Variants in DUXA observed in about 807,000 individuals in gnomAD.
DUXA encodes the protein double homeobox protein A.
In DUXA, 25 loss-of-function variants were observed where a neutral mutation model predicts 27.5. The observed-to-expected ratio is 0.91, with a 90% CI of 0.66 to 1.27. DUXA has a LOEUF of 1.27. DUXA is among the 50% of genes most tolerant of loss of function. The pLI is 0.00. For synonymous variants in DUXA, 90 were observed against 80.5 expected (o/e 1.12, Z -0.63); for missense variants, 247 against 242.9 (o/e 1.02, Z -0.11).
chr19:57,157,202 C>A lies in DUXA; in HGVS notation c.438+1126G>T, dbSNP rs114513853. ...CATGTCCTGCTTACAGGAGGGAGCA[C>A]TGGTTTAAACGCACACACACCCTAC... On this transcript the variant is annotated intron_variant, in intron 4 of 5. Coordinates refer to ENST00000554048, the MANE Select transcript of DUXA (RefSeq NM_001012729.2). 7.5e-3 allele frequency among the ~76,000 whole-genome samples: 1,147 copies of A among 152,306 alleles called. 12 individuals carry two copies. Among genetic ancestry groups the A allele is most frequent in the African/African-American group, 0.027 (1,105 of 41,560 alleles).
At chr19:57,167,397 A>G in intron 1 of DUXA, 22 bp downstream of exon 1, 1 of 1,613,078 alleles carries the variant, frequency 6.2e-7, no homozygotes, top group Non-Finnish European at 8.5e-7. Context: ...ACAAAAGCTC[A>G]GTCAAGCACA....
rs544581547 is a variant in DUXA at position 57,154,192 on chromosome 19, T to C, written c.*220A>G. 6 of 495,236 alleles carry C rather than the reference T, an allele frequency of 1.2e-5. No individual in the cohort carries two copies. The South Asian group carries it at 1.3e-4, about 11-fold the overall frequency. The allele number at this position is 495,236 out of a possible 1,614,324, so 30.7% of individuals were successfully genotyped here. On this transcript the variant is annotated 3_prime_UTR_variant, in exon 6 of 6. Coordinates refer to ENST00000554048, the MANE Select transcript of DUXA (RefSeq NM_001012729.2). ...ATAGAGGCAGAGTCTTGCTATATGT[T>C]GTCCAGGCTGGTTTCAAACTCCTGA...
chr19:57,157,760 G>T (rs1402780263), intron 4 of DUXA, among the ~76,000 whole-genome samples: 1 of 152,056 alleles, frequency 6.6e-6, no homozygotes, highest in East Asian at 1.9e-4. Context: ...GGAAGCCAAG[G>T]AGGGTGGATC....
chr19:57,158,502 G>T lies in DUXA; in HGVS notation c.293-29C>A, dbSNP rs374968571. The T allele has an allele frequency of 6.7e-5, 107 of 1,606,598 alleles. No homozygotes were observed. In the Middle Eastern group the frequency reaches 2.8e-3, roughly 42 times the overall value. On this transcript the variant is annotated intron_variant, in intron 3 of 5. Coordinates refer to ENST00000554048, the MANE Select transcript of DUXA (RefSeq NM_001012729.2). Reference sequence around the variant, plus strand: ...GGGAAGGCATGGAAAGATGGAGGGGGGCGGTCAAGGAATATTGCAAGGGTC... The same window carrying T: ...GGGAAGGCATGGAAAGATGGAGGGGTGCGGTCAAGGAATATTGCAAGGGTC...
At position 57,154,163 on chromosome 19, in the gene DUXA, T is replaced by C. The variant is rs2086978734; in HGVS notation, c.*249A>G. ...GTCCTTTTCATTTATTTTGTTTTTT[T>C]ATAATAGAGGCAGAGTCTTGCTATA... On this transcript the variant is annotated 3_prime_UTR_variant, in exon 6 of 6. Transcript: ENST00000554048. 1 of 395,818 alleles carries C rather than the reference T, an allele frequency of 2.5e-6. No individual in the cohort carries two copies. The highest frequency in any genetic ancestry group is 4.0e-5 in the Admixed American group (1 of 24,720). 24.5% of individuals were successfully genotyped at this position (395,818 alleles called of 1,614,324 possible).
chr19:57,162,364 G>C (rs771021619), intron 1 of DUXA, among the ~76,000 whole-genome samples: 19 of 152,152 alleles, frequency 1.2e-4, no homozygotes, highest in Admixed American at 2.6e-4. Context: ...CACATAATTT[G>C]CTGGATAGGA....
intron 2 of DUXA, among the ~76,000 whole-genome samples, chr19:57,160,088 C>T (rs765978379): frequency 5.3e-5 from 8 of 151,994 alleles, no homozygotes; most frequent in Non-Finnish European, 8.8e-5. Flanking sequence ...TTGGACGACA[C>T]AGCGAGACTC....
At position 57,154,148 on chromosome 19, in the gene DUXA, T is replaced by G; in HGVS notation, c.*264A>C. On this transcript the variant is annotated 3_prime_UTR_variant, in exon 6 of 6. Coordinates refer to ENST00000554048, the MANE Select transcript of DUXA (RefSeq NM_001012729.2). ...TCTCTGCCTCCTACAGTCCTTTTCA[T>G]TTATTTTGTTTTTTTATAATAGAGG... 7 of 359,762 alleles carry G rather than the reference T, an allele frequency of 1.9e-5. No homozygotes were observed. The highest frequency in any genetic ancestry group is 5.9e-5 in the East Asian group (1 of 16,878). The allele number at this position is 359,762 out of a possible 1,614,324, so 22.3% of individuals were successfully genotyped here.
rs1227284400 is a variant in DUXA, at chr19:57,159,284, T to C, written c.181-6A>G. The C allele has an allele frequency of 6.8e-6, 11 of 1,611,328 alleles. No individual in the cohort carries two copies. The highest frequency in any genetic ancestry group is 1.3e-5 in the African/African-American group (1 of 74,748). On this transcript the variant is annotated splice_polypyrimidine_tract_variant and splice_region_variant and intron_variant, in intron 2 of 5. Transcript: ENST00000554048. ...CTTCGATTCTGAAACCAAATCTAAGTGAGGAAAAGAAAAGGAGAGAATTAC... is the reference window on the plus strand; with the variant it reads ...CTTCGATTCTGAAACCAAATCTAAGCGAGGAAAAGAAAAGGAGAGAATTAC...
At chr19:57,160,021 C>G (rs1254641991) in intron 2 of DUXA, among the ~76,000 whole-genome samples, 1 of 152,106 alleles carries the variant, frequency 6.6e-6, no homozygotes, top group African/African-American at 2.4e-5. Context: ...AGAAGAATCA[C>G]TTGAACTTGG....
intron 4 of DUXA, among the ~76,000 whole-genome samples, chr19:57,157,566 G>A (rs1420344435): frequency 6.6e-6 from 1 of 151,834 alleles, no homozygotes; most frequent in Non-Finnish European, 1.5e-5. Context: ...CCTGACCTCA[G>A]GTGATCTGCC....
chr19:57,167,185 AAT>A (rs1401313276), intron 1 of DUXA, among the ~76,000 whole-genome samples: 1 of 152,076 alleles, frequency 6.6e-6, no homozygotes, highest in African/African-American at 2.4e-5. Context: ...CTGAAGCTCA[AAT>A]ATGTCTTATT....
chr19:57,162,997 G>A (rs765411584), intron 1 of DUXA, among the ~76,000 whole-genome samples: 5 of 151,578 alleles, frequency 3.3e-5, no homozygotes, highest in East Asian at 3.9e-4. Flanking sequence ...CATCATACGC[G>A]ACATTCCATA....
At chr19:57,164,581 AAT>A (rs200210501) in intron 1 of DUXA, among the ~76,000 whole-genome samples, 14,931 of 152,184 alleles carry the variant, frequency 0.098, 839 homozygotes, top group East Asian at 0.15. Context: ...GTCTCAAAAA[AAT>A]AAAATTAAAA....
At chr19:57,155,650 T>C (rs938336339) in intron 4 of DUXA, among the ~76,000 whole-genome samples, 1 of 148,258 alleles carries the variant, frequency 6.7e-6, no homozygotes, top group Non-Finnish European at 1.5e-5. Context: ...CAACCCAAGA[T>C]AGATAGATAG....
chr19:57,160,365 A>T (rs1185089890), intron 2 of DUXA, among the ~76,000 whole-genome samples: 1 of 152,260 alleles, frequency 6.6e-6, no homozygotes, highest in Non-Finnish European at 1.5e-5. Flanking sequence ...ATTGGTAAAT[A>T]GCTGCTACAA....
chr19:57,154,268 G>T lies in DUXA; in HGVS notation c.*144C>A. ...CTCCCAAAGTAGTGGGATTACAAGT[G>T]TGACCCACCACATCTGGCCAAGTCC... On this transcript the variant is annotated 3_prime_UTR_variant, in exon 6 of 6. Coordinates refer to ENST00000554048, the MANE Select transcript of DUXA (RefSeq NM_001012729.2). The T allele has an allele frequency of 1.4e-6, 1 of 701,682 alleles. No individual in the cohort carries two copies. The highest frequency in any genetic ancestry group is 2.4e-6 in the Non-Finnish European group (1 of 423,722). 43.5% of individuals were successfully genotyped at this position (701,682 alleles called of 1,614,324 possible).
At chr19:57,154,535 C>A in intron 5 of DUXA, 53 bp from the exon 6 acceptor site, 10 of 1,320,020 alleles carry the variant, frequency 7.6e-6, no homozygotes, top group Admixed American at 1.8e-5. Flanking sequence ...CTTATATTCA[C>A]AAACATGGAC....
Position 57,160,814 on chromosome 19 carries a change from A to C in DUXA, c.26-17T>G. 6.2e-7 allele frequency: 1 copy of C among 1,612,832 alleles called. No individual in the cohort carries two copies. The highest frequency in any genetic ancestry group is 8.5e-7 in the Non-Finnish European group (1 of 1,179,776). On this transcript the variant is annotated splice_polypyrimidine_tract_variant and intron_variant, in intron 1 of 5. Transcript: ENST00000554048. ...TTACCATCTCTGTAGGAAGATTACA[A>C]AAGAAGAAGCATGTAATAGGTTAAT...
Sources: allele counts gnomAD v4.1 joint callset (sites outside exome capture counted in the v4.1 genomes callset), GRCh38; gene constraint gnomAD v4.1.1; transcripts MANE v1.5; gene names NCBI Gene and HGNC (gene_info 2026-07-23, HGNC 2026-07-21).